Variants in CHD6 observed in about 807,000 individuals in gnomAD.
CHD6 encodes chromodomain helicase DNA binding protein 6.
In CHD6, 50 loss-of-function variants were observed where a neutral mutation model predicts 276.9. The ratio of observed to expected loss-of-function variants is 0.18; its 90% CI spans 0.14 to 0.23. The LOEUF (loss-of-function observed/expected upper bound fraction) is 0.23. CHD6 is among the 10% of genes least tolerant of loss of function. The pLI is 1.00. For missense variants in CHD6, 2,564 were observed against 3,365.8 expected (o/e 0.76, Z 5.89); for synonymous variants, 1,173 against 1,229.3 (o/e 0.95, Z 0.96).
At chr20:41,411,957 A>T (rs1235793063) in intron 36 of CHD6, among the ~76,000 whole-genome samples, 187 bp downstream of exon 36, 1 of 152,240 alleles carries the variant, frequency 6.6e-6, no homozygotes, top group East Asian at 1.9e-4. Context: ...TGGGAGTCAC[A>T]GAGCGCTCAA....
chr20:41,560,591 C>A (rs1264250845), intron 1 of CHD6, among the ~76,000 whole-genome samples: 4 of 152,216 alleles, frequency 2.6e-5, no homozygotes, highest in African/African-American at 9.6e-5. Context: ...GGGAGGGACC[C>A]TGTCCTGCAG....
chr20:41,405,726 C>T (rs755885415), intron 36 of CHD6, among the ~76,000 whole-genome samples: 1 of 152,214 alleles, frequency 6.6e-6, no homozygotes, highest in Non-Finnish European at 1.5e-5. Context: ...GCACCTGTCA[C>T]TGCCCAGTGG....
At position 41,473,235 on chromosome 20, in the gene CHD6, C is replaced by G. The variant is rs139846373; in HGVS notation, c.2664+87G>C. The G allele has an allele frequency of 3.0e-3, 3,886 of 1,276,250 alleles. 48 individuals are homozygous for G. Among genetic ancestry groups the G allele is most frequent in the Middle Eastern group, 0.018 (66 of 3,764 alleles). 79.1% of individuals were successfully genotyped at this position (1,276,250 alleles called of 1,614,324 possible). A position where few individuals can be genotyped will look rare whatever the true frequency, so the allele number is the denominator to read the frequency against. Reference sequence around the variant, plus strand: ...GCTGACACCATAGCATAGAGCATCACGGATGCTCTGTAGCCAAGCCAGGCC... The same window carrying G: ...GCTGACACCATAGCATAGAGCATCAGGGATGCTCTGTAGCCAAGCCAGGCC... On this transcript the variant is annotated intron_variant, in intron 17 of 36. Transcript: ENST00000373233. This position sits in a 1 kb window ranked among gnomAD's most constrained non-coding sequence, Gnocchi z 4.1.
intron 25 of CHD6, among the ~76,000 whole-genome samples, chr20:41,444,483 C>T (rs111241272): frequency 3.3e-5 from 5 of 152,148 alleles, no homozygotes; most frequent in Admixed American, 2.6e-4. Flanking sequence ...CTAACCCCGG[C>T]GGTTTGACAA....
intron 1 of CHD6, among the ~76,000 whole-genome samples, chr20:41,608,054 G>C (rs991572346): frequency 6.6e-6 from 1 of 152,154 alleles, no homozygotes; most frequent in African/African-American, 2.4e-5. Flanking sequence ...ACCATACCTG[G>C]CACATAGTAA....
intron 2 of CHD6, among the ~76,000 whole-genome samples, chr20:41,550,129 A>C (rs1482608840): frequency 2.0e-5 from 3 of 152,148 alleles, no homozygotes; most frequent in African/African-American, 7.2e-5. Flanking sequence ...ACAGCAGCAT[A>C]ATATTCCACT....
chr20:41,573,680 AAAAC>A (rs1055553998), intron 1 of CHD6, among the ~76,000 whole-genome samples: 2 of 152,236 alleles, frequency 1.3e-5, no homozygotes, highest in African/African-American at 2.4e-5. Flanking sequence ...GAAAAAAACA[AAAAC>A]AAACATCAAG....
At chr20:41,530,169 G>T (rs2044646795) in intron 3 of CHD6, among the ~76,000 whole-genome samples, 1 of 152,174 alleles carries the variant, frequency 6.6e-6, no homozygotes, top group African/African-American at 2.4e-5. Context: ...TTTCAATCCA[G>T]TTTACCAATA....
chr20:41,481,276 G>A (rs1271595847), intron 16 of CHD6, among the ~76,000 whole-genome samples: 3 of 151,394 alleles, frequency 2.0e-5, no homozygotes, highest in Admixed American at 2.0e-4. Context: ...TAAAATTTAG[G>A]ACATCAAAAA....
chr20:41,597,245 C>T (rs1469645035), intron 1 of CHD6, among the ~76,000 whole-genome samples: 1 of 152,150 alleles, frequency 6.6e-6, no homozygotes, highest in East Asian at 1.9e-4. Flanking sequence ...CCAAGAGCCC[C>T]TTATAAATTT....
In CHD6 at chr20:41,450,821, C is replaced by T; in HGVS notation, c.3683+125G>A. ...CCAGCTTAGACCACAGATAACACAT[C>T]CTGTCTTTCTAGACCTTGCACAGAA... On this transcript the variant is annotated intron_variant, in intron 23 of 36. Transcript: ENST00000373233. 10 of 861,116 alleles carry T rather than the reference C, an allele frequency of 1.2e-5. No homozygotes were observed. In the South Asian group the frequency reaches 1.5e-4, roughly 13 times the overall value. 53.3% of individuals were successfully genotyped at this position (861,116 alleles called of 1,614,324 possible). A position where few individuals can be genotyped will look rare whatever the true frequency, so the allele number is the denominator to read the frequency against.
chr20:41,452,598 GT>G lies in CHD6; in HGVS notation c.3323+141del. The G allele has an allele frequency of 1.4e-6, 1 of 724,060 alleles. No individual in the cohort carries two copies. The highest frequency in any genetic ancestry group is 2.6e-5 in the East Asian group (1 of 37,866). 44.9% of individuals were successfully genotyped at this position (724,060 alleles called of 1,614,324 possible). A position where few individuals can be genotyped will look rare whatever the true frequency, so the allele number is the denominator to read the frequency against. ...AGACGGATTCTGGGCAGAAGGCACAGTTCTCTCTTGCTCCAACAGATCCCCC... is the reference window on the plus strand; with the variant it reads ...AGACGGATTCTGGGCAGAAGGCACAGTCTCTCTTGCTCCAACAGATCCCCC... On this transcript the variant is annotated intron_variant, in intron 21 of 36. Coordinates refer to ENST00000373233, the MANE Select transcript of CHD6 (RefSeq NM_032221.5). The surrounding 1 kb of genome is among the most constrained non-coding windows in gnomAD (Gnocchi z 4.2).
chr20:41,557,423 T>TA (rs1750931050), intron 1 of CHD6, among the ~76,000 whole-genome samples: 1 of 152,152 alleles, frequency 6.6e-6, no homozygotes, highest in East Asian at 1.9e-4. Flanking sequence ...TTTTTTTTTT[T>TA]AAATTACTAT....
chr20:41,537,378 TTG>T (rs2044855115), intron 2 of CHD6, among the ~76,000 whole-genome samples: 1 of 152,226 alleles, frequency 6.6e-6, no homozygotes, highest in African/African-American at 2.4e-5. Context: ...AGCATTTGTG[TTG>T]TGTTAGGTCT....
chr20:41,449,974 T>C (rs933554539), intron 23 of CHD6, among the ~76,000 whole-genome samples: 10 of 152,238 alleles, frequency 6.6e-5, no homozygotes, highest in Admixed American at 6.5e-4. Context: ...ATAGTACTAA[T>C]AATAACAACA....
chr20:41,463,292 A>C (rs1257311074), intron 17 of CHD6, among the ~76,000 whole-genome samples: 1 of 152,248 alleles, frequency 6.6e-6, no homozygotes, highest in Non-Finnish European at 1.5e-5. Flanking sequence ...TCACTTTGTA[A>C]CCATCATAGT....
At chr20:41,496,586 A>C (rs2043691991) in intron 8 of CHD6, among the ~76,000 whole-genome samples, 1 of 152,226 alleles carries the variant, frequency 6.6e-6, no homozygotes, top group Admixed American at 6.5e-5. Flanking sequence ...CAAGTTACTA[A>C]CAAATATGTT....
At chr20:41,419,412 C>T (rs1015632535) in intron 31 of CHD6, among the ~76,000 whole-genome samples, 8 of 151,560 alleles carry the variant, frequency 5.3e-5, no homozygotes, top group Non-Finnish European at 1.0e-4. Flanking sequence ...AAACTCTGTA[C>T]TAAAAATACA....
At chr20:41,495,709 T>C (rs558785726) in intron 8 of CHD6, among the ~76,000 whole-genome samples, 1 of 152,350 alleles carries the variant, frequency 6.6e-6, no homozygotes, top group South Asian at 2.1e-4. Flanking sequence ...TTTCACAATG[T>C]AAACATACGT....
Sources: gnomAD v4.1 joint callset for allele counts (sites outside exome capture counted in the v4.1 genomes callset) on GRCh38, gnomAD v4.1.1 for gene constraint, Gnocchi (gnomAD v3.1) non-coding constraint, MANE v1.5 for transcripts, NCBI Gene and HGNC (gene_info 2026-07-23, HGNC 2026-07-21) for gene names.